Variants in TGIF1 observed in about 807,000 individuals in gnomAD.
TGIF1 encodes homeobox protein TGIF1.
In TGIF1, 4 loss-of-function variants were observed where a neutral mutation model predicts 19.3. That is an observed-to-expected ratio of 0.21 (90% CI 0.10 to 0.47). The LOEUF (loss-of-function observed/expected upper bound fraction) is 0.47. Ranked by LOEUF, TGIF1 falls within the 20% of genes least tolerant of loss-of-function variation. TGIF1 has a pLI of 0.98. For synonymous variants in TGIF1, 122 were observed against 129.3 expected (o/e 0.94, Z 0.38); for missense variants, 275 against 341.4 (o/e 0.81, Z 1.53).
At chr18:3,449,407 T>G, upstream of TGIF1, 1 of 985,330 alleles carries the variant, frequency 1.0e-6, no homozygotes, top group Non-Finnish European at 1.2e-6. Flanking sequence ...GCAGAGACGT[T>G]TAAAGAGCAT....
At position 3,456,042 on chromosome 18, in the gene TGIF1, G is replaced by T. The variant is rs1400852433; in HGVS notation, c.17-312G>T. The T allele has an allele frequency of 2.4e-6, 1 of 412,626 alleles. No homozygotes were observed. Among genetic ancestry groups the T allele is most frequent in the Non-Finnish European group, 4.6e-6 (1 of 219,190 alleles). The allele number at this position is 412,626 out of a possible 1,614,324, so 25.6% of individuals were successfully genotyped here. A position where few individuals can be genotyped will look rare whatever the true frequency, so the allele number is the denominator to read the frequency against. On this transcript the variant is annotated intron_variant, in intron 1 of 2. Transcript: ENST00000343820. This position sits in a 1 kb window ranked among gnomAD's most constrained non-coding sequence, Gnocchi z 4.2. ...ATGTGGCAGGTTATTCATTTTGGGT[G>T]CAGTTTGTCTCCTCCAATGATTAGA...
chr18:3,449,927 C>T (rs1033988828), upstream of TGIF1: 2 of 986,080 alleles, frequency 2.0e-6, no homozygotes, highest in South Asian at 9.3e-5. Context: ...CCCCCACCGC[C>T]GGGCGAGGGA....
At chr18:3,432,212 A>G (rs1316425808) in intron 2 of TGIF1, among the ~76,000 whole-genome samples, 1 of 152,082 alleles carries the variant, frequency 6.6e-6, no homozygotes, top group African/African-American at 2.4e-5. Flanking sequence ...CACAGCCTCA[A>G]TCTAATCATG....
Position 3,423,148 on chromosome 18 carries a change from C to A in TGIF1, c.-45+4933C>A, listed in dbSNP as rs78992691. Among the ~76,000 whole-genome samples, 394 of 152,248 alleles carry A rather than the reference C, an allele frequency of 2.6e-3. 4 individuals are homozygous for A. Among genetic ancestry groups the A allele is most frequent in the African/African-American group, 9.2e-3 (382 of 41,550 alleles). On this transcript the variant is annotated intron_variant, in intron 2 of 3. Transcript: ENST00000401449. ...ATACCATAAGCCTAATGCATGTAGTCGGCTCTAAGTTTGTCTGAGTACACG... is the reference window on the plus strand; with the variant it reads ...ATACCATAAGCCTAATGCATGTAGTAGGCTCTAAGTTTGTCTGAGTACACG...
At chr18:3,453,730 CTGCTTAGGGCGG>C in intron 1 of TGIF1, 3 of 759,622 alleles carry the variant, frequency 3.9e-6, no homozygotes, top group Non-Finnish European at 4.8e-6. Flanking sequence ...AACAAGGTCG[CTGCTTAGGGCGG>C]TGGGATCCTC....
chr18:3,445,199 C>T (rs2082724438), upstream of TGIF1, among the ~76,000 whole-genome samples: 1 of 152,158 alleles, frequency 6.6e-6, no homozygotes, highest in Admixed American at 6.5e-5. Context: ...TAAGAAGTAA[C>T]ATTTAGGCCT....
chr18:3,452,366 C>T, intron 1 of TGIF1: 10 of 1,613,302 alleles, frequency 6.2e-6, no homozygotes, highest in Non-Finnish European at 7.6e-6. Flanking sequence ...GGCGCCGACT[C>T]CTGGAAACAA....
At chr18:3,430,177 A>G (rs1344892068) in intron 2 of TGIF1, among the ~76,000 whole-genome samples, 1 of 152,126 alleles carries the variant, frequency 6.6e-6, no homozygotes, top group Non-Finnish European at 1.5e-5. Context: ...GACTGTGAAA[A>G]TACTCATCCT....
intron 2 of TGIF1, among the ~76,000 whole-genome samples, chr18:3,436,316 A>G (rs191924149): frequency 9.2e-5 from 14 of 152,366 alleles, no homozygotes; most frequent in Non-Finnish European, 1.8e-4. Flanking sequence ...AAAACAGTGA[A>G]GAGCCATAAT....
chr18:3,422,466 AT>A (rs2082412926), intron 2 of TGIF1, among the ~76,000 whole-genome samples: 1 of 151,532 alleles, frequency 6.6e-6, no homozygotes, highest in South Asian at 2.1e-4. Flanking sequence ...TAAAAAAGTT[AT>A]AGTAAGGTAA....
chr18:3,442,334 A>T (rs981057096), intron 2 of TGIF1, among the ~76,000 whole-genome samples: 3 of 152,186 alleles, frequency 2.0e-5, no homozygotes, highest in African/African-American at 7.2e-5. Flanking sequence ...TAATGGAAAG[A>T]AAAGGAATAA....
chr18:3,418,393 G>C (rs935735188), intron 2 of TGIF1: 23 of 152,136 alleles, frequency 1.5e-4, no homozygotes, highest in African/African-American at 5.3e-4. Flanking sequence ...ATTGGTTCCA[G>C]GATGCTACCT....
intron 2 of TGIF1, among the ~76,000 whole-genome samples, chr18:3,424,540 T>C (rs2082444681): frequency 1.3e-5 from 2 of 151,304 alleles, no homozygotes; most frequent in South Asian, 2.1e-4. Flanking sequence ...GGCAAGCAAC[T>C]TCTAAAATCC....
rs117127361 is a variant in TGIF1, at chr18:3,433,574, C to T, written c.-45+15359C>T. ...ATAGTCAAATTCATGGAGGTTAAGA[C>T]GGAAAGCCTCCATGTTAGAATGAAC... On this transcript the variant is annotated intron_variant, in intron 2 of 3. Transcript: ENST00000401449. Among the ~76,000 whole-genome samples, 202 of 152,192 alleles carry T rather than the reference C, an allele frequency of 1.3e-3. 1 individual carries two copies. The highest frequency in any genetic ancestry group is 4.5e-3 in the African/African-American group (187 of 41,506).
chr18:3,449,587 G>C, upstream of TGIF1: 1 of 969,736 alleles, frequency 1.0e-6, no homozygotes, highest in African/African-American at 1.9e-5. Flanking sequence ...GCTGGAGGAA[G>C]AGCCCCGGGA....
At chr18:3,429,565 G>A (rs1004229281) in intron 2 of TGIF1, among the ~76,000 whole-genome samples, 12 of 152,186 alleles carry the variant, frequency 7.9e-5, no homozygotes, top group African/African-American at 2.4e-4. Flanking sequence ...TTACCGAATC[G>A]AGTCAGAGAA....
At chr18:3,446,635 A>T (rs553614076), upstream of TGIF1, among the ~76,000 whole-genome samples, 13 of 152,220 alleles carry the variant, frequency 8.5e-5, no homozygotes, top group Non-Finnish European at 1.6e-4. Context: ...TACACTATTC[A>T]TGCAAGGAAG....
At chr18:3,427,125 G>A (rs1408209093) in intron 2 of TGIF1, among the ~76,000 whole-genome samples, 2 of 151,764 alleles carry the variant, frequency 1.3e-5, no homozygotes, top group African/African-American at 4.8e-5. Context: ...TGTATTTTTA[G>A]TACAGACGGG....
At chr18:3,418,188 C>A (rs2082357215) in exon 2 of TGIF1, 1 of 152,122 alleles carries the variant, frequency 6.6e-6, no homozygotes, top group Non-Finnish European at 1.5e-5. Context: ...CCTCCACTTC[C>A]ACATTCCAGC....
Sources: allele counts gnomAD v4.1 joint callset (sites outside exome capture counted in the v4.1 genomes callset), GRCh38; gene constraint gnomAD v4.1.1; non-coding constraint Gnocchi (gnomAD v3.1); transcripts MANE v1.5; gene names NCBI Gene and HGNC (gene_info 2026-07-23, HGNC 2026-07-21).